Variants in ALAS2 observed in about 807,000 individuals in gnomAD.
ALAS2 encodes 5'-aminolevulinate synthase 2.
ALAS2 carries 3 observed loss-of-function variants against 33.7 expected under a neutral mutation model. That is an observed-to-expected ratio of 0.09 (90% CI 0.04 to 0.23). The LOEUF (loss-of-function observed/expected upper bound fraction) is 0.23, where lower values mean the gene tolerates loss of function less well. Among genes scored for constraint, ALAS2 ranks in the 10% least tolerant of loss-of-function variants. ALAS2 has a pLI of 1.00. For synonymous variants in ALAS2, 191 were observed against 177.3 expected, an observed-to-expected ratio of 1.08 and a Z score of -0.61; for missense variants, 304 against 475.1, an observed-to-expected ratio of 0.64 and a Z score of 3.35.
chrX:55,024,964 A>T (rs1431587391), intron 2 of ALAS2, 124 bp from the exon 3 acceptor site: 30 of 929,668 alleles, frequency 3.2e-5, no homozygotes, highest in Non-Finnish European at 4.5e-5. Context: ...ACACAGAGAT[A>T]GATGAGTCTG....
At chrX:55,014,629 G>A (rs767289020) in intron 9 of ALAS2, 118 bp downstream of exon 9, 5 of 915,822 alleles carry the variant, frequency 5.5e-6, no homozygotes, top group Non-Finnish European at 7.2e-6. Context: ...TGGCAATAAA[G>A]GGAATGGTTA....
chrX:55,027,750 C>A, intron 1 of ALAS2: 1 of 1,210,924 alleles, frequency 8.3e-7, no homozygotes, highest in African/African-American at 1.7e-5. Context: ...CCTCCCCGTA[C>A]CTCACAAAAC....
In ALAS2 at chrX:55,023,858, C is replaced by T. The variant is rs1314932968; in HGVS notation, c.314G>A (p.Ser105Asn). The T allele has an allele frequency of 8.3e-7, 1 of 1,202,036 alleles. No homozygotes were observed. The highest frequency in any genetic ancestry group is 1.8e-5 in the African/African-American group (1 of 56,850). The part of the protein sequence containing the change: ...DVKAFKTDLP[S>N]SLVSVSLRKP... ...CCTTAGGCTGACTGAGACCAGGGAGCTAGGCAGATCTGAGACGGAATGTGA... is the reference window on the plus strand; with the variant it reads ...CCTTAGGCTGACTGAGACCAGGGAGTTAGGCAGATCTGAGACGGAATGTGA... Residue 105 changes from serine (S) to asparagine (N), a missense_variant, in exon 4 of 11, where the codon AGC (serine) becomes AAC (asparagine). This residue lies in a region of ALAS2 where 71 missense variants were observed against 82.8 expected (regional missense o/e 0.86). Transcript: ENST00000650242.
intron 1 of ALAS2, among the ~76,000 whole-genome samples, chrX:55,030,228 C>G (rs1199632509): frequency 1.8e-5 from 2 of 111,521 alleles, no homozygotes; most frequent in African/African-American, 6.5e-5. Flanking sequence ...AATGACTTGC[C>G]TAGGGTCTCA....
intron 7 of ALAS2, among the ~76,000 whole-genome samples, chrX:55,016,826 A>G (rs143735485): frequency 0.015 from 1,726 of 111,893 alleles, 33 homozygotes; most frequent in African/African-American, 0.054. Context: ...AATTCTTACA[A>G]CCAGATATTT....
At chrX:55,023,906 TG>T (rs921308873) in intron 3 of ALAS2, 39 bp from the exon 4 acceptor site, 5 of 1,086,523 alleles carry the variant, frequency 4.6e-6, no homozygotes, top group Non-Finnish European at 5.1e-6. Flanking sequence ...GTGAAGAGAA[TG>T]GGGGAAAAAG....
At chrX:55,021,307 C>A in intron 4 of ALAS2, 33 bp from the exon 5 acceptor site, 1 of 1,111,666 alleles carries the variant, frequency 9.0e-7, no homozygotes, top group Non-Finnish European at 1.2e-6. Flanking sequence ...GAAAAGAATT[C>A]GTTTTAAGTC....
At position 55,009,918 on chromosome X, in the gene ALAS2, C is replaced by T. The variant is rs142563857; in HGVS notation, c.1601-575G>A. On this transcript the variant is annotated intron_variant, in intron 10 of 10. Transcript: ENST00000650242. ...TTCAGAAATTTTAATCTCCAGCTCACGCCACTCTACTGGTTTCCAATCTTG... is the reference window on the plus strand; with the variant it reads ...TTCAGAAATTTTAATCTCCAGCTCATGCCACTCTACTGGTTTCCAATCTTG... Among the ~76,000 whole-genome samples the T allele has an allele frequency of 6.1e-3, 680 of 111,431 alleles. 2 individuals carry two copies. Among genetic ancestry groups the T allele is most frequent in the African/African-American group, 0.021 (646 of 30,615 alleles).
chrX:55,013,255 C>T (rs929021226), intron 10 of ALAS2, among the ~76,000 whole-genome samples: 4 of 111,811 alleles, frequency 3.6e-5, no homozygotes, highest in African/African-American at 9.8e-5. Context: ...GAGCTTTGAT[C>T]ATCCCTTAGT....
intron 6 of ALAS2, among the ~76,000 whole-genome samples, chrX:55,019,197 A>G (rs1434120457): frequency 9.0e-6 from 1 of 110,927 alleles, no homozygotes; most frequent in African/African-American, 3.3e-5. Flanking sequence ...ACATGTTTAA[A>G]GAGAGGGAGA....
Position 55,013,491 on chromosome X carries a change from A to C in ALAS2, c.1595T>G (p.Phe532Cys), listed in dbSNP as rs1262390928. The change falls in exon 10 of 11, where the codon TTT (phenylalanine) becomes TGT (cysteine). Residue 532 changes from phenylalanine (F) to cysteine (C), a missense_variant. Phe to Cys is a radical substitution (Grantham distance 205). Around this residue, in one of 3 missense-constraint regions of ALAS2, gnomAD observed 95 missense variants for 127.0 expected, o/e 0.75. Transcript: ENST00000650242. ...PHHSPQMMED[F>C]VEKLLLAWTA... ...CACCCATGTTGAGAACTTACCCACA[A>C]AATCTTCCATCATCTGAGGGCTGTG... 1.7e-6 allele frequency: 2 copies of C among 1,206,935 alleles called. No homozygotes were observed. The highest frequency in any genetic ancestry group is 2.2e-6 in the Non-Finnish European group (2 of 893,127).
intron 1 of ALAS2, chrX:55,027,814 T>C: frequency 9.1e-6 from 11 of 1,210,354 alleles, no homozygotes; most frequent in Non-Finnish European, 1.2e-5. Flanking sequence ...TCATGGGCTG[T>C]CACAGCAGCC....
At chrX:55,028,980 A>C (rs896896079) in intron 1 of ALAS2, among the ~76,000 whole-genome samples, 14 of 112,282 alleles carry the variant, frequency 1.2e-4, no homozygotes, top group Non-Finnish European at 2.3e-4. Flanking sequence ...TAACAAGGAC[A>C]ATCTGCATCA....
intron 6 of ALAS2, among the ~76,000 whole-genome samples, chrX:55,019,175 A>G (rs1294642256): frequency 9.0e-6 from 1 of 111,065 alleles, no homozygotes; most frequent in Non-Finnish European, 1.9e-5. Context: ...ATAAGATACA[A>G]GAGACTTGAA....
chrX:55,012,015 T>A (rs754983298), intron 10 of ALAS2, among the ~76,000 whole-genome samples: 1 of 111,859 alleles, frequency 8.9e-6, no homozygotes, highest in African/African-American at 3.3e-5. Context: ...ATTAGATGAG[T>A]TAATACGTGT....
Position 55,014,818 on chromosome X carries a change from G to A in ALAS2, c.1366C>T (p.His456Tyr). ...LRRAHQRNVKHMRQLLMDRGL... is the reference protein window; with the variant it reads ...LRRAHQRNVKYMRQLLMDRGL... ...CTGTCCATGAGTAGCTGGCGCATGT[G>A]CTTGACATTGCGCTGGTGGGCTCGC... Residue 456 changes from histidine to tyrosine, a missense_variant, in exon 9 of 11, where the codon CAC becomes TAC. Transcript: ENST00000650242. 3 of 1,203,127 alleles carry A rather than the reference G, an allele frequency of 2.5e-6. No individual in the cohort carries two copies. Among genetic ancestry groups the A allele is most frequent in the Non-Finnish European group, 3.4e-6 (3 of 890,856 alleles).
chrX:55,026,118 C>T (rs749139301), intron 1 of ALAS2, 103 bp from the exon 2 acceptor site: 266 of 715,252 alleles, frequency 3.7e-4, no homozygotes, highest in Non-Finnish European at 5.2e-4. Context: ...TTGCTGCCTC[C>T]GAGATGCTCT....
Position 55,020,242 on chromosome X carries a change from A to ACAATG in ALAS2, c.823+77_823+78insCATTG, listed in dbSNP as rs1291884883. On this transcript the variant is annotated intron_variant, in intron 6 of 10. Transcript: ENST00000650242. Reference sequence around the variant, plus strand: ...AGTGAGGGAACTCCAAATACAGGGAAGGAGTGATGGAACCAGTGAAACTGG... The same window carrying ACAATG: ...AGTGAGGGAACTCCAAATACAGGGAACAATGGGAGTGATGGAACCAGTGAAACTGG... 1.4e-5 allele frequency: 14 copies of ACAATG among 997,428 alleles called. No individual in the cohort carries two copies. In the East Asian group the frequency reaches 3.9e-4, roughly 28 times the overall value. 82.2% of individuals were successfully genotyped at this position (997,428 alleles called of 1,213,427 possible).
At chrX:55,011,855 T>A (rs936794146) in intron 10 of ALAS2, among the ~76,000 whole-genome samples, 3 of 111,438 alleles carry the variant, frequency 2.7e-5, no homozygotes, top group African/African-American at 9.8e-5. Flanking sequence ...ACCTAGCAGT[T>A]ATGACCATGG....
Sources: allele counts gnomAD v4.1 joint callset (sites outside exome capture counted in the v4.1 genomes callset), GRCh38; gene constraint gnomAD v4.1.1; regional missense constraint gnomAD v4.1.1; transcripts MANE v1.5; gene names NCBI Gene and HGNC (gene_info 2026-07-23, HGNC 2026-07-21).